The following FRMD4A variants were observed in gnomAD, a reference collection of about 807,000 sequenced individuals.
FRMD4A encodes FERM domain-containing protein 4A.
FRMD4A carries 29 observed loss-of-function variants against 129.1 expected under a neutral mutation model. The observed-to-expected ratio is 0.22, with a 90% CI of 0.17 to 0.31. FRMD4A has a LOEUF of 0.31. Ranked by LOEUF, FRMD4A falls within the 10% of genes least tolerant of loss-of-function variation. FRMD4A has a pLI of 1.00. For synonymous variants in FRMD4A, 634 were observed against 571.6 expected (o/e 1.11, Z -1.56); for missense variants, 1,272 against 1,375.8 (o/e 0.92, Z 1.19).
chr10:13,838,487 T>C (rs1489282606), intron 3 of FRMD4A, among the ~76,000 whole-genome samples: 1 of 149,992 alleles, frequency 6.7e-6, no homozygotes. Context: ...TCTGTTTTCT[T>C]CCCCCTCCCT....
intron 12 of FRMD4A, among the ~76,000 whole-genome samples, chr10:13,710,999 G>A (rs1334816795): frequency 6.6e-6 from 1 of 152,186 alleles, no homozygotes; most frequent in Non-Finnish European, 1.5e-5. Flanking sequence ...GGGCGACACA[G>A]CAAGGCTCCT....
chr10:13,988,751 T>G (rs573788165), intron 2 of FRMD4A, among the ~76,000 whole-genome samples: 1 of 152,330 alleles, frequency 6.6e-6, no homozygotes, highest in East Asian at 1.9e-4. Flanking sequence ...TAGATTTCTA[T>G]AGAGATCTAT....
At chr10:14,311,127 G>A (rs1183130986) in intron 2 of FRMD4A, among the ~76,000 whole-genome samples, 1 of 151,954 alleles carries the variant, frequency 6.6e-6, no homozygotes, top group African/African-American at 2.4e-5. Context: ...CTGTGTGTCT[G>A]TGGCCACCAG....
At chr10:14,278,156 C>G (rs1589257189) in intron 2 of FRMD4A, among the ~76,000 whole-genome samples, 1 of 152,144 alleles carries the variant, frequency 6.6e-6, no homozygotes, top group African/African-American at 2.4e-5. Context: ...GGGGGCTTCC[C>G]TGGAGAGAGC....
At chr10:13,710,535 G>C (rs1158677647) in intron 12 of FRMD4A, 2 of 152,282 alleles carry the variant, frequency 1.3e-5, no homozygotes, top group Non-Finnish European at 2.9e-5. Flanking sequence ...CGGCTCCCAG[G>C]CCTATCCCCG....
intron 2 of FRMD4A, among the ~76,000 whole-genome samples, chr10:14,262,854 C>T (rs1332908280): frequency 6.6e-6 from 1 of 152,198 alleles, no homozygotes; most frequent in African/African-American, 2.4e-5. Flanking sequence ...TATCTTAAAG[C>T]ACATTTTCTT....
intron 6 of FRMD4A, among the ~76,000 whole-genome samples, chr10:13,777,542 T>A (rs975279250): frequency 6.6e-6 from 1 of 152,110 alleles, no homozygotes; most frequent in African/African-American, 2.4e-5. Flanking sequence ...ACATTCAGCA[T>A]GTGGGCTGAT....
chr10:13,878,937 G>C (rs1364562381), intron 2 of FRMD4A, among the ~76,000 whole-genome samples: 2 of 152,110 alleles, frequency 1.3e-5, no homozygotes, highest in Non-Finnish European at 2.9e-5. Context: ...CAGGGACAGT[G>C]ATGACATTTT....
At chr10:13,810,615 A>G (rs951463811) in intron 4 of FRMD4A, among the ~76,000 whole-genome samples, 199 bp downstream of exon 4, 1 of 152,210 alleles carries the variant, frequency 6.6e-6, no homozygotes, top group Non-Finnish European at 1.5e-5. Flanking sequence ...TAATATTAGT[A>G]TCACCCTAAT....
chr10:14,097,421 G>A (rs1053735591), intron 2 of FRMD4A, among the ~76,000 whole-genome samples: 14 of 152,024 alleles, frequency 9.2e-5, no homozygotes, highest in African/African-American at 3.1e-4. Flanking sequence ...CACTAACTAC[G>A]TTCTAGGCAA....
At chr10:14,318,215 A>G (rs1300109383) in intron 2 of FRMD4A, among the ~76,000 whole-genome samples, 1 of 152,130 alleles carries the variant, frequency 6.6e-6, no homozygotes, top group African/African-American at 2.4e-5. Flanking sequence ...TCTCCTGTTC[A>G]TTAATCCCTA....
At chr10:13,660,282 G>T (rs1280261178) in intron 20 of FRMD4A, 34 bp downstream of exon 20, 2 of 1,289,802 alleles carry the variant, frequency 1.6e-6, no homozygotes, top group Admixed American at 3.4e-5. Context: ...CATAGAGGGA[G>T]GCCTCATTTG....
intron 12 of FRMD4A, among the ~76,000 whole-genome samples, chr10:13,726,297 C>T (rs1254890108): frequency 6.6e-6 from 1 of 152,052 alleles, no homozygotes; most frequent in Admixed American, 6.5e-5. Flanking sequence ...AAAAACAAAA[C>T]AAAACAAAAA....
chr10:14,267,471 C>G (rs1845018461), intron 2 of FRMD4A, among the ~76,000 whole-genome samples: 1 of 152,172 alleles, frequency 6.6e-6, no homozygotes. Context: ...CCAGATGCCA[C>G]AGCCTAAGCT....
At chr10:13,780,289 T>C (rs2092701948) in intron 6 of FRMD4A, among the ~76,000 whole-genome samples, 1 of 151,786 alleles carries the variant, frequency 6.6e-6, no homozygotes, top group African/African-American at 2.4e-5. Flanking sequence ...ATTGTGCCAT[T>C]GTACTCCAGC....
In FRMD4A at chr10:14,016,723, C is replaced by T. The variant is rs1254623864; in HGVS notation, c.46-157811G>A. ...GACAAAGGAAGCTAGACCTTATCCTCTTGCAGGGCAGGGAGGAAAATGCAC... is the reference window on the plus strand; with the variant it reads ...GACAAAGGAAGCTAGACCTTATCCTTTTGCAGGGCAGGGAGGAAAATGCAC... On this transcript the variant is annotated intron_variant, in intron 2 of 24. Coordinates refer to ENST00000357447, the MANE Select transcript of FRMD4A (RefSeq NM_018027.5). Among the ~76,000 whole-genome samples, 7 of 152,348 alleles carry T rather than the reference C, an allele frequency of 4.6e-5. No homozygotes were observed. The South Asian group carries it at 6.2e-4, about 14-fold the overall frequency.
chr10:13,931,701 G>A (rs1463879156), intron 2 of FRMD4A, among the ~76,000 whole-genome samples: 1 of 151,274 alleles, frequency 6.6e-6, no homozygotes, highest in Non-Finnish European at 1.5e-5. Flanking sequence ...ACTTTGGGAG[G>A]CCACGGTGGG....
chr10:14,309,524 G>T (rs1284935753), intron 2 of FRMD4A, among the ~76,000 whole-genome samples: 1 of 152,094 alleles, frequency 6.6e-6, no homozygotes, highest in Admixed American at 6.5e-5. Flanking sequence ...CAGAGAATTA[G>T]AACTTCAGAG....
At chr10:14,298,985 A>G (rs1485223204) in intron 2 of FRMD4A, among the ~76,000 whole-genome samples, 2 of 152,180 alleles carry the variant, frequency 1.3e-5, no homozygotes, top group Non-Finnish European at 2.9e-5. Context: ...GGGGAAAAAG[A>G]GTTTGCCAAA....
Sources: allele counts gnomAD v4.1 joint callset (sites outside exome capture counted in the v4.1 genomes callset), GRCh38; gene constraint gnomAD v4.1.1; transcripts MANE v1.5; gene names NCBI Gene and HGNC (gene_info 2026-07-23, HGNC 2026-07-21).